The following LRP1B variants were observed in gnomAD, a reference collection of about 807,000 sequenced individuals.
The protein encoded by LRP1B is LDL receptor related protein 1B.
A neutral mutation model predicts 556.6 loss-of-function variants in LRP1B; 217 were observed. That is an observed-to-expected ratio of 0.39 (90% confidence interval 0.35 to 0.44). The LOEUF (loss-of-function observed/expected upper bound fraction) is 0.44. LRP1B is among the 20% of genes least tolerant of loss of function. LRP1B has a pLI of 1.00. For missense variants in LRP1B, 5,053 were observed against 5,620.8 expected (o/e 0.90, Z 3.23); for synonymous variants, 2,047 against 1,865.8 (o/e 1.10, Z -2.50).
chr2:140,404,954 C>T (rs1181461329), intron 66 of LRP1B, among the ~76,000 whole-genome samples: 4 of 152,034 alleles, frequency 2.6e-5, no homozygotes, highest in Admixed American at 6.6e-5. Flanking sequence ...AAACATTCTC[C>T]AAGATAGATG....
chr2:141,370,967 G>A (rs768446785), intron 3 of LRP1B, among the ~76,000 whole-genome samples: 1 of 151,956 alleles, frequency 6.6e-6, no homozygotes, highest in African/African-American at 2.4e-5. Context: ...TTATATGGCT[G>A]TATTTCTGAG....
At chr2:141,906,006 G>C (rs997990902) in intron 1 of LRP1B, among the ~76,000 whole-genome samples, 5 of 150,454 alleles carry the variant, frequency 3.3e-5, no homozygotes, top group Non-Finnish European at 7.4e-5. Context: ...GTGTGTGTGT[G>C]TGTGTGTGTG....
chr2:141,805,973 A>T (rs1056599626), intron 2 of LRP1B, among the ~76,000 whole-genome samples: 10 of 152,038 alleles, frequency 6.6e-5, no homozygotes, highest in African/African-American at 1.9e-4. Flanking sequence ...TGAAGAACTC[A>T]CTCAATGATT....
intron 83 of LRP1B, among the ~76,000 whole-genome samples, chr2:140,305,465 C>T (rs1573762524): frequency 6.6e-6 from 1 of 151,494 alleles, no homozygotes; most frequent in Admixed American, 6.6e-5. Context: ...TCTGTTATTG[C>T]TGTATAGGAA....
At chr2:140,266,074 T>C (rs10469593) in intron 86 of LRP1B, among the ~76,000 whole-genome samples, 66,680 of 151,724 alleles carry the variant, frequency 0.44, 16,287 homozygotes, top group African/African-American at 0.65. Context: ...TAGTGCAAAA[T>C]AGTCTTCTTA....
chr2:140,364,855 C>A (rs2105152401), intron 71 of LRP1B, 72 bp from the exon 72 acceptor site: 1 of 1,424,360 alleles, frequency 7.0e-7, no homozygotes, highest in South Asian at 1.3e-5. Context: ...CCATATTCTT[C>A]TGAATCTTAG....
chr2:140,619,160 G>A (rs1899321), intron 41 of LRP1B, among the ~76,000 whole-genome samples: 76,243 of 151,342 alleles, frequency 0.5, 19,768 homozygotes, highest in African/African-American at 0.63. Flanking sequence ...TCCTCTTTCA[G>A]GGGACCAGGT....
intron 32 of LRP1B, among the ~76,000 whole-genome samples, chr2:140,805,315 G>A (rs1690673282): frequency 6.6e-6 from 1 of 152,114 alleles, no homozygotes; most frequent in African/African-American, 2.4e-5. Context: ...AAATATCTAT[G>A]GAAATTGTGT....
At chr2:141,133,668 TTAA>T (rs1374528139) in intron 7 of LRP1B, among the ~76,000 whole-genome samples, 2 of 152,028 alleles carry the variant, frequency 1.3e-5, no homozygotes, top group African/African-American at 4.8e-5. Context: ...TACAAAGCCA[TTAA>T]TAACTTATTC....
chr2:140,415,140 G>A (rs1685133183), intron 66 of LRP1B, among the ~76,000 whole-genome samples: 1 of 152,078 alleles, frequency 6.6e-6, no homozygotes, highest in Non-Finnish European at 1.5e-5. Flanking sequence ...GTAAATTTGG[G>A]GTCAGACCGG....
intron 41 of LRP1B, among the ~76,000 whole-genome samples, chr2:140,663,281 C>T (rs1314399437): frequency 1.3e-5 from 2 of 152,120 alleles, no homozygotes; most frequent in Non-Finnish European, 2.9e-5. Flanking sequence ...TGGAAATACA[C>T]TGGTCATCAT....
intron 66 of LRP1B, among the ~76,000 whole-genome samples, chr2:140,400,942 A>C (rs2105227998): frequency 6.6e-6 from 1 of 152,238 alleles, no homozygotes; most frequent in African/African-American, 2.4e-5. Context: ...ATAAAAGTAA[A>C]AGCAGCAGTG....
chr2:142,094,222 G>T (rs1023076429), intron 1 of LRP1B, among the ~76,000 whole-genome samples: 2 of 152,036 alleles, frequency 1.3e-5, no homozygotes, highest in Non-Finnish European at 2.9e-5. Flanking sequence ...TGGATTCTGG[G>T]TATCACAAAT....
At chr2:140,316,485 C>T (rs1265317875) in intron 82 of LRP1B, among the ~76,000 whole-genome samples, 1 of 152,066 alleles carries the variant, frequency 6.6e-6, no homozygotes, top group African/African-American at 2.4e-5. Context: ...GTTTCTAATA[C>T]ATTGTCATGT....
At chr2:140,700,652 A>C (rs1361769707) in intron 40 of LRP1B, 31 bp from the exon 41 acceptor site, 1 of 1,584,442 alleles carries the variant, frequency 6.3e-7, no homozygotes, top group Non-Finnish European at 8.5e-7. Context: ...ACACATGCAC[A>C]TGTTTATGTT....
chr2:141,158,351 T>C (rs1004231547), intron 7 of LRP1B, among the ~76,000 whole-genome samples: 1 of 152,338 alleles, frequency 6.6e-6, no homozygotes, highest in Middle Eastern at 3.4e-3. Flanking sequence ...ATATAAATTA[T>C]GCCATTTAGC....
chr2:140,495,704 T>C lies in LRP1B; in HGVS notation c.8895A>G (p.Thr2965=), dbSNP rs1397006269. Residue 2965 remains threonine, a synonymous_variant, in exon 56 of 91, where the codon ACA becomes ACG. Transcript: ENST00000389484. ...AAGAGCATTCATCAATGTCTACACA[T>C]GTTTTGCCGTCATCCTTCAGTTGGA... The part of the protein sequence containing the change: ...PGFQLKDDGK[T]CVDIDECSSG... 6.2e-7 allele frequency: 1 copy of C among 1,612,912 alleles called. No homozygotes were observed. Among genetic ancestry groups the C allele is most frequent in the Non-Finnish European group, 8.5e-7 (1 of 1,178,998 alleles).
chr2:140,637,086 C>G (rs919963872), intron 41 of LRP1B, among the ~76,000 whole-genome samples: 1 of 152,108 alleles, frequency 6.6e-6, no homozygotes, highest in Non-Finnish European at 1.5e-5. Context: ...TAAACAACTA[C>G]AAAGTTGCAG....
intron 2 of LRP1B, among the ~76,000 whole-genome samples, chr2:141,528,826 A>T (rs182083163): frequency 6.6e-6 from 1 of 152,158 alleles, no homozygotes; most frequent in Non-Finnish European, 1.5e-5. Context: ...TCAATTGTTT[A>T]TAGGGTAAGA....
Sources: gnomAD v4.1 joint callset for allele counts (sites outside exome capture counted in the v4.1 genomes callset) on GRCh38, gnomAD v4.1.1 for gene constraint, MANE v1.5 for transcripts, NCBI Gene and HGNC (gene_info 2026-07-23, HGNC 2026-07-21) for gene names.